Variants in CNTNAP2 observed in about 807,000 individuals in gnomAD.
CNTNAP2 encodes the protein contactin-associated protein-like 2.
In CNTNAP2, 98 loss-of-function variants were observed where a neutral mutation model predicts 155.2. The observed-to-expected ratio is 0.63, with a 90% CI of 0.54 to 0.75. The LOEUF is 0.75. Ranked by LOEUF, CNTNAP2 falls within the 30% of genes least tolerant of loss-of-function variation. The pLI, the probability that CNTNAP2 is intolerant of heterozygous loss-of-function variation, is 0.00. For missense variants in CNTNAP2, 1,727 were observed against 1,688.1 expected, an observed-to-expected ratio of 1.02 and a Z score of -0.40; for synonymous variants, 651 against 631.2, an observed-to-expected ratio of 1.03 and a Z score of -0.47.
intron 13 of CNTNAP2, among the ~76,000 whole-genome samples, chr7:147,821,784 C>T (rs1249077022): frequency 6.6e-6 from 1 of 151,910 alleles, no homozygotes; most frequent in Non-Finnish European, 1.5e-5. Context: ...CAGGTAGGGA[C>T]TAAATCAAGC....
chr7:147,775,875 G>A (rs560416798), intron 13 of CNTNAP2, among the ~76,000 whole-genome samples: 2 of 152,266 alleles, frequency 1.3e-5, no homozygotes, highest in East Asian at 3.9e-4. Context: ...AATAGTTTGG[G>A]AAGTGATGAC....
chr7:147,232,110 C>T (rs912083146), intron 8 of CNTNAP2, among the ~76,000 whole-genome samples: 1 of 152,122 alleles, frequency 6.6e-6, no homozygotes, highest in African/African-American at 2.4e-5. Flanking sequence ...CTTAGGAATA[C>T]ATTTATCCAA....
At chr7:146,817,881 C>T (rs1803204220) in intron 2 of CNTNAP2, among the ~76,000 whole-genome samples, 1 of 151,880 alleles carries the variant, frequency 6.6e-6, no homozygotes, top group Non-Finnish European at 1.5e-5. Flanking sequence ...ATATCAAATA[C>T]TAAAATTTAA....
chr7:147,418,602 C>T (rs1329050345), intron 10 of CNTNAP2, among the ~76,000 whole-genome samples: 1 of 152,116 alleles, frequency 6.6e-6, no homozygotes, highest in African/African-American at 2.4e-5. Flanking sequence ...GACAGTGAGT[C>T]GTAATTAGGA....
At chr7:146,335,956 T>C (rs1801267338) in intron 1 of CNTNAP2, among the ~76,000 whole-genome samples, 1 of 151,948 alleles carries the variant, frequency 6.6e-6, no homozygotes, top group Non-Finnish European at 1.5e-5. Context: ...TCCCAGCACT[T>C]TGGGAGGCTG....
intron 1 of CNTNAP2, among the ~76,000 whole-genome samples, chr7:146,495,917 G>T (rs146567822): frequency 2.6e-5 from 4 of 152,244 alleles, no homozygotes; most frequent in African/African-American, 7.2e-5. Flanking sequence ...CAAAAAAAGA[G>T]GAAAATGAGC....
intron 11 of CNTNAP2, among the ~76,000 whole-genome samples, chr7:147,558,083 C>T (rs1316070820): frequency 6.6e-6 from 1 of 152,076 alleles, no homozygotes; most frequent in African/African-American, 2.4e-5. Flanking sequence ...GACAAAATAA[C>T]ATAACATATG....
intron 13 of CNTNAP2, among the ~76,000 whole-genome samples, chr7:147,762,132 TTCTCTC>T (rs72279270): frequency 7.0e-6 from 1 of 143,090 alleles, no homozygotes; most frequent in African/African-American, 2.6e-5. Context: ...TCTAATATGT[TTCTCTC>T]TCTCTCTCTC....
chr7:147,137,838 A>G (rs999576665), intron 8 of CNTNAP2, among the ~76,000 whole-genome samples: 1 of 151,448 alleles, frequency 6.6e-6, no homozygotes, highest in Non-Finnish European at 1.5e-5. Context: ...AATTGGATAG[A>G]TAAGTAGATA....
intron 21 of CNTNAP2, among the ~76,000 whole-genome samples, chr7:148,305,124 G>A (rs1396658261): frequency 6.7e-6 from 1 of 149,182 alleles, no homozygotes; most frequent in East Asian, 2.0e-4. Context: ...TTGGGAGGCT[G>A]AAGTGGGAGG....
In CNTNAP2 at chr7:146,962,047, A is replaced by T. The variant is rs548050839; in HGVS notation, c.403-81860A>T. ...CAGTGGTTACTTTTGTGACCTGTTT[A>T]GATAACTCTAAACACCATATTTCTC... On this transcript the variant is annotated intron_variant, in intron 3 of 23. Transcript: ENST00000361727. Among the ~76,000 whole-genome samples, 5 of 152,316 alleles carry T rather than the reference A, an allele frequency of 3.3e-5. No individual in the cohort carries two copies. In the South Asian group the frequency reaches 1.0e-3, roughly 32 times the overall value.
chr7:146,605,700 G>T lies in CNTNAP2; in HGVS notation c.98-168571G>T, dbSNP rs377342999. ...CATTTGAATCCACAAAAAGAAGATA[G>T]AATGAAGTGTGGTAGATGTAACACA... On this transcript the variant is annotated intron_variant, in intron 1 of 23. Coordinates refer to ENST00000361727, the MANE Select transcript of CNTNAP2 (RefSeq NM_014141.6). Among the ~76,000 whole-genome samples, 44 of 152,252 alleles carry T rather than the reference G, an allele frequency of 2.9e-4. No homozygotes were observed. The South Asian group carries it at 8.1e-3, about 28-fold the overall frequency.
intron 12 of CNTNAP2, among the ~76,000 whole-genome samples, chr7:147,575,368 AGGGGTG>A (rs1563004506): frequency 2.6e-5 from 2 of 75,666 alleles, no homozygotes; most frequent in African/African-American, 1.1e-4. Flanking sequence ...CCCTAGCTTT[AGGGGTG>A]TGTGTGTGTG....
intron 13 of CNTNAP2, among the ~76,000 whole-genome samples, chr7:147,665,596 T>A (rs1795680263): frequency 6.6e-6 from 1 of 152,186 alleles, no homozygotes; most frequent in Non-Finnish European, 1.5e-5. Flanking sequence ...TACCCATTAG[T>A]TATTTTTCCT....
intron 3 of CNTNAP2, among the ~76,000 whole-genome samples, chr7:146,932,351 A>C (rs1269748498): frequency 4.0e-5 from 6 of 151,646 alleles, no homozygotes; most frequent in African/African-American, 1.5e-4. Context: ...GATTATCTCA[A>C]TAGATGCAGA....
chr7:146,489,837 CTGAG>C (rs74274747), intron 1 of CNTNAP2, among the ~76,000 whole-genome samples: 30,379 of 151,804 alleles, frequency 0.2, 3,991 homozygotes, highest in African/African-American at 0.38. Flanking sequence ...CTCAGTGTGG[CTGAG>C]TTCAGGACTT....
At chr7:147,388,399 T>A (rs1423436456) in intron 9 of CNTNAP2, among the ~76,000 whole-genome samples, 1 of 152,166 alleles carries the variant, frequency 6.6e-6, no homozygotes, top group Non-Finnish European at 1.5e-5. Flanking sequence ...AACTATTCAT[T>A]GCTTTGAGAG....
chr7:147,372,305 C>A (rs1446133064), intron 9 of CNTNAP2, among the ~76,000 whole-genome samples: 2 of 152,070 alleles, frequency 1.3e-5, no homozygotes, highest in Non-Finnish European at 2.9e-5. Flanking sequence ...TAGTGTAAGG[C>A]AACTATAACT....
At chr7:147,437,316 T>G (rs952707202) in intron 10 of CNTNAP2, among the ~76,000 whole-genome samples, 1 of 152,196 alleles carries the variant, frequency 6.6e-6, no homozygotes, top group South Asian at 2.1e-4. Context: ...CTGGGCTGCA[T>G]AGAGCTTTTT....
Sources: gnomAD v4.1 joint callset for allele counts (sites outside exome capture counted in the v4.1 genomes callset) on GRCh38, gnomAD v4.1.1 for gene constraint, MANE v1.5 for transcripts, NCBI Gene and HGNC (gene_info 2026-07-23, HGNC 2026-07-21) for gene names.